The following KPNA7 variants were observed in gnomAD, a reference collection of about 807,000 sequenced individuals.
KPNA7 encodes karyopherin subunit alpha 7.
A neutral mutation model predicts 53.7 loss-of-function variants in KPNA7; 54 were observed. The ratio of observed to expected loss-of-function variants is 1.01; its 90% CI spans 0.81 to 1.26. The LOEUF is 1.26. Ranked by LOEUF, KPNA7 falls within the 50% of genes most tolerant of loss-of-function variation. KPNA7 has a pLI of 0.00. For missense variants in KPNA7, 640 were observed against 644.5 expected, an observed-to-expected ratio of 0.99 and a Z score of 0.07; for synonymous variants, 276 against 259.3, an observed-to-expected ratio of 1.06 and a Z score of -0.62.
At chr7:99,218,752 G>A (rs1791274253) in intron 1 of KPNA7, among the ~76,000 whole-genome samples, 1 of 152,198 alleles carries the variant, frequency 6.6e-6, no homozygotes, top group East Asian at 1.9e-4. Context: ...CTTCAGAAAG[G>A]GCCCCCAGAG....
At chr7:99,156,057 C>T in the KPNA7 span, among the ~76,000 whole-genome samples, 1 of 152,084 alleles carries the variant, frequency 6.6e-6, no homozygotes, top group Non-Finnish European at 1.5e-5. Context: ...CAATTCTCAT[C>T]TCGGGATTGT....
At chr7:99,218,979 A>C (rs995880491) in intron 1 of KPNA7, among the ~76,000 whole-genome samples, 3 of 152,246 alleles carry the variant, frequency 2.0e-5, no homozygotes, top group Admixed American at 6.5e-5. Context: ...CGCAGCCTCC[A>C]GCCCCTTGGT....
chr7:99,174,913 T>G (rs1798845145), intron 10 of KPNA7, among the ~76,000 whole-genome samples: 1 of 151,842 alleles, frequency 6.6e-6, no homozygotes, highest in Non-Finnish European at 1.5e-5. Flanking sequence ...TGGGTTCAAG[T>G]GATTCTGCTG....
rs71108433 is a variant in KPNA7, at chr7:99,213,130, A to ATTTTT, written c.-23-5646_-23-5642dup. 6.6e-3 allele frequency among the ~76,000 whole-genome samples: 934 copies of ATTTTT among 141,088 alleles called. 9 individuals carry two copies. The highest frequency in any genetic ancestry group is 0.023 in the African/African-American group (877 of 38,460). The allele number at this position is 141,088 out of a possible 152,430, so 92.6% of individuals were successfully genotyped here. A position where few individuals can be genotyped will look rare whatever the true frequency, so the allele number is the denominator to read the frequency against. Reference sequence around the variant, plus strand: ...ATTTAAGGAGCAATGGCCAAAAGGGATTTTTTTTTTTTTTTGAGACAGAGT... The same window carrying ATTTTT: ...ATTTAAGGAGCAATGGCCAAAAGGGATTTTTTTTTTTTTTTTTTTTGAGACAGAGT... On this transcript the variant is annotated intron_variant, in intron 1 of 10. Transcript: ENST00000681060.
intron 3 of KPNA7, among the ~76,000 whole-genome samples, chr7:99,200,617 A>G (rs1790473254): frequency 6.6e-6 from 1 of 152,140 alleles, no homozygotes; most frequent in East Asian, 1.9e-4. Context: ...ACTTGTACAC[A>G]GATGTTAATA....
chr7:99,183,996 C>T (rs952213483), intron 8 of KPNA7, among the ~76,000 whole-genome samples: 2 of 151,504 alleles, frequency 1.3e-5, no homozygotes, highest in Non-Finnish European at 2.9e-5. Context: ...TACAGGCACC[C>T]ACCACCACAC....
downstream of KPNA7, among the ~76,000 whole-genome samples, chr7:99,168,817 A>G (rs953435215): frequency 5.9e-5 from 9 of 152,150 alleles, no homozygotes; most frequent in Non-Finnish European, 7.3e-5. Context: ...TACCTTTGAC[A>G]TGGAGGCACC....
At chr7:99,195,517 T>C (rs1463386346) in intron 4 of KPNA7, among the ~76,000 whole-genome samples, 179 bp from the exon 5 acceptor site, 1 of 151,988 alleles carries the variant, frequency 6.6e-6, no homozygotes, top group African/African-American at 2.4e-5. Context: ...GCCAACATGG[T>C]GAAACCCCGT....
chr7:99,203,895 G>A (rs1790670483), intron 2 of KPNA7, among the ~76,000 whole-genome samples: 1 of 152,100 alleles, frequency 6.6e-6, no homozygotes, highest in African/African-American at 2.4e-5. Flanking sequence ...ATTTTTAGTA[G>A]AGATGGGGTT....
At chr7:99,181,334 G>A (rs1799264210) in intron 9 of KPNA7, among the ~76,000 whole-genome samples, 1 of 152,114 alleles carries the variant, frequency 6.6e-6, no homozygotes, top group Non-Finnish European at 1.5e-5. Flanking sequence ...CTCCCTACCT[G>A]ATGTGTCTGT....
upstream of KPNA7, among the ~76,000 whole-genome samples, chr7:99,212,798 G>A (rs765147589): frequency 3.3e-5 from 5 of 151,988 alleles, no homozygotes; most frequent in Non-Finnish European, 7.4e-5. Context: ...ATACTCGGTG[G>A]GAGGATCGCC....
the KPNA7 span, among the ~76,000 whole-genome samples, chr7:99,159,997 G>A: frequency 7.7e-6 from 1 of 130,098 alleles, no homozygotes; most frequent in Non-Finnish European, 1.6e-5. Flanking sequence ...GTAGCTTAGT[G>A]TTTCTCCTCT....
At chr7:99,190,214 G>A (rs893428354) in intron 6 of KPNA7, among the ~76,000 whole-genome samples, 2 of 151,850 alleles carry the variant, frequency 1.3e-5, no homozygotes, top group Non-Finnish European at 2.9e-5. Flanking sequence ...GCATGTGCCT[G>A]TAATCCCAGC....
chr7:99,186,178 A>G (rs1200064521), intron 7 of KPNA7, among the ~76,000 whole-genome samples: 1 of 152,178 alleles, frequency 6.6e-6, no homozygotes, highest in Non-Finnish European at 1.5e-5. Flanking sequence ...ATGAGATCTC[A>G]ATGCCATTTC....
chr7:99,146,735 AAAAAAAAAAAAAAC>A, the KPNA7 span, among the ~76,000 whole-genome samples: 2 of 144,000 alleles, frequency 1.4e-5, no homozygotes, highest in African/African-American at 5.2e-5. Context: ...AAAAAAAAAA[AAAAAAAAAAAAAAC>A]AACGGAAAAT....
At chr7:99,176,306 AAAAAAAGAAAGAAAG>A in intron 10 of KPNA7, among the ~76,000 whole-genome samples, 1 of 87,110 alleles carries the variant, frequency 1.1e-5, no homozygotes, top group Non-Finnish European at 3.0e-5. Context: ...TCAAAAAAAA[AAAAAAAGAAAGAAAG>A]AAAGAAAGAA....
chr7:99,190,930 G>C (rs1242119537), intron 6 of KPNA7, among the ~76,000 whole-genome samples: 2 of 152,026 alleles, frequency 1.3e-5, no homozygotes, highest in Non-Finnish European at 2.9e-5. Flanking sequence ...AGGTACATCT[G>C]TCAATCCGAC....
At chr7:99,165,447 A>G in the KPNA7 span, among the ~76,000 whole-genome samples, 1 of 152,044 alleles carries the variant, frequency 6.6e-6, no homozygotes, top group Admixed American at 6.6e-5. Flanking sequence ...CTCGAGGAGC[A>G]CCCCACCCTC....
chr7:99,212,902 A>C (rs1035063465), upstream of KPNA7, among the ~76,000 whole-genome samples: 7 of 148,120 alleles, frequency 4.7e-5, no homozygotes, highest in Admixed American at 4.0e-4. Context: ...GAAAAGAAAA[A>C]AAGAAAAGAA....
Sources: allele counts gnomAD v4.1 joint callset (sites outside exome capture counted in the v4.1 genomes callset), GRCh38; gene constraint gnomAD v4.1.1; transcripts MANE v1.5; gene names NCBI Gene and HGNC (gene_info 2026-07-23, HGNC 2026-07-21).